Variants in SYTL2 observed in about 807,000 individuals in gnomAD.
The protein encoded by SYTL2 is synaptotagmin-like protein 2.
SYTL2 carries 165 observed loss-of-function variants against 198.7 expected under a neutral mutation model. That is an observed-to-expected ratio of 0.83 (90% confidence interval 0.73 to 0.94). The LOEUF (loss-of-function observed/expected upper bound fraction) is 0.94. SYTL2 is among the 40% of genes least tolerant of loss of function. The pLI, the probability that SYTL2 is intolerant of heterozygous loss-of-function variation, is 0.00. For synonymous variants in SYTL2, 966 were observed against 917.7 expected, an observed-to-expected ratio of 1.05 and a Z score of -0.95; for missense variants, 2,835 against 2,582.8, an observed-to-expected ratio of 1.10 and a Z score of -2.12.
intron 17 of SYTL2, among the ~76,000 whole-genome samples, chr11:85,700,108 A>C (rs1373816439): frequency 1.3e-5 from 2 of 152,212 alleles, no homozygotes; most frequent in African/African-American, 4.8e-5. Flanking sequence ...AAACTAAAAA[A>C]AAAAATGAGA....
the SYTL2 span, among the ~76,000 whole-genome samples, chr11:85,828,978 G>C: frequency 1.3e-5 from 2 of 151,984 alleles, no homozygotes; most frequent in Non-Finnish European, 1.5e-5. Flanking sequence ...ATCCACAGTG[G>C]TGCTTGGGAA....
chr11:85,839,523 A>C, the SYTL2 span, among the ~76,000 whole-genome samples: 6 of 152,236 alleles, frequency 3.9e-5, no homozygotes, highest in African/African-American at 1.2e-4. Context: ...CCCCACAAAT[A>C]AGTGAGAACA....
At chr11:85,837,291 C>A in the SYTL2 span, among the ~76,000 whole-genome samples, 1 of 152,110 alleles carries the variant, frequency 6.6e-6, no homozygotes, top group Non-Finnish European at 1.5e-5. Context: ...GAGTGTGGCC[C>A]AATTCAGTAG....
intron 16 of SYTL2, 79 bp from the exon 17 acceptor site, chr11:85,700,672 A>G (rs1404940175): frequency 2.9e-6 from 3 of 1,048,346 alleles, no homozygotes; most frequent in Non-Finnish European, 4.5e-6. Context: ...TTACAGAACC[A>G]TATCTGTCCC....
the SYTL2 span, among the ~76,000 whole-genome samples, chr11:85,820,447 A>G: frequency 6.6e-6 from 1 of 152,184 alleles, no homozygotes. Flanking sequence ...GACATTTAAT[A>G]CCCAGAAAAA....
intron 16 of SYTL2, among the ~76,000 whole-genome samples, chr11:85,702,103 G>T (rs2084386689): frequency 6.6e-6 from 1 of 152,098 alleles, no homozygotes; most frequent in Non-Finnish European, 1.5e-5. Context: ...ACCGTTTCTA[G>T]GTCAGCTGCA....
In SYTL2 at chr11:85,726,787, C is replaced by G. The variant is rs891144222; in HGVS notation, c.2571G>C (p.Val857=). 5 of 1,536,110 alleles carry G rather than the reference C, an allele frequency of 3.3e-6. No homozygotes were observed. The highest frequency in any genetic ancestry group is 1.7e-4 in the Middle Eastern group (1 of 5,994). ...ATGCTTGATCATCCTCATCTAAGAC[C>G]ACTCGTTTGGGAATGGCCTGATTAT... ...SEYNQAIPKR[V]VLDEDDQASQ... The change falls in exon 8 of 20, where the codon GTG becomes GTC. Residue 857 remains valine, a synonymous_variant. Coordinates refer to ENST00000359152, the MANE Select transcript of SYTL2 (RefSeq NM_206927.4).
rs1233015347 is a variant in SYTL2, at chr11:85,734,014, G to A, written c.1315C>T (p.Pro439Ser). Residue 439 changes from proline to serine, a missense_variant, in exon 7 of 20, where the codon CCA becomes TCA. Pro to Ser is a moderately conservative substitution (Grantham distance 74). This residue lies in a region of SYTL2 where 2,645 missense variants were observed against 2,381.7 expected (regional missense o/e 1.11). Transcript: ENST00000359152. ...TTATCTTTGGGTTCATTGATGGTTG[G>A]TGAATTCTCCATAGACTGTGGTCTT... ...TARPQSMENS[P>S]TINEPKDKSS... 2 of 1,613,970 alleles carry A rather than the reference G, an allele frequency of 1.2e-6. No homozygotes were observed. Among genetic ancestry groups the A allele is most frequent in the South Asian group, 1.1e-5 (1 of 91,082 alleles).
the SYTL2 span, chr11:85,852,591 A>C: frequency 1.3e-4 from 22 of 172,972 alleles, 1 homozygote; most frequent in Admixed American, 1.0e-3. Flanking sequence ...GGCTGGGCTG[A>C]TCTCCAGCTC....
chr11:85,742,582 C>T (rs933874968), intron 4 of SYTL2, among the ~76,000 whole-genome samples: 2 of 152,182 alleles, frequency 1.3e-5, no homozygotes, highest in African/African-American at 2.4e-5. Context: ...AGTACAGAAA[C>T]GGAGGCTATG....
intron 7 of SYTL2, 93 bp from the exon 8 acceptor site, chr11:85,728,060 A>G (rs765241428): frequency 8.7e-7 from 1 of 1,151,604 alleles, no homozygotes; most frequent in Admixed American, 2.9e-5. Context: ...AGCACTTTGT[A>G]TTTGCACTTT....
intron 7 of SYTL2, among the ~76,000 whole-genome samples, chr11:85,730,342 CAATAA>C (rs1450869938): frequency 2.0e-5 from 3 of 152,150 alleles, no homozygotes; most frequent in Admixed American, 6.5e-5. Context: ...CCAACATTCT[CAATAA>C]AATACTGGCA....
upstream of SYTL2, among the ~76,000 whole-genome samples, chr11:85,814,504 T>C (rs1019770479): frequency 6.6e-6 from 1 of 152,238 alleles, no homozygotes; most frequent in African/African-American, 2.4e-5. Context: ...TAGGTAGACT[T>C]ATTTAAGTTG....
intron 1 of SYTL2, among the ~76,000 whole-genome samples, chr11:85,801,007 G>A (rs1331831333): frequency 6.6e-6 from 1 of 152,142 alleles, no homozygotes; most frequent in Non-Finnish European, 1.5e-5. Flanking sequence ...ATAAACACAG[G>A]GCTAGAAACA....
Position 85,699,571 on chromosome 11 carries a change from T to G in SYTL2, c.6268+944A>C, listed in dbSNP as rs543676927. Among the ~76,000 whole-genome samples the G allele has an allele frequency of 2.6e-3, 390 of 150,972 alleles. 1 individual carries two copies. The highest frequency in any genetic ancestry group is 8.9e-3 in the African/African-American group (369 of 41,340). ...ACTTGCCCTCTAATTCTTTCTTTTT[T>G]GGGGGGCGGGGGGCGGTATAAACTA... On this transcript the variant is annotated intron_variant, in intron 17 of 19. Transcript: ENST00000359152.
the SYTL2 span, among the ~76,000 whole-genome samples, chr11:85,819,005 G>T: frequency 5.9e-5 from 9 of 151,994 alleles, no homozygotes; most frequent in Admixed American, 2.0e-4. Flanking sequence ...AAGAAGTCAG[G>T]CTGCATAGAT....
rs1555240290 is a variant in SYTL2, at chr11:85,733,600, T to TG, written c.1390+338_1390+339insC. ...CACCAAGTTTTTTTTTTTTGTTTTT[T>TG]TTTTTTTTTTGAGACGGAGTCTCGC... On this transcript the variant is annotated intron_variant, in intron 7 of 19. Transcript: ENST00000359152. 590 of 138,406 alleles carry TG rather than the reference T, an allele frequency of 4.3e-3. 7 individuals carry two copies. The highest frequency in any genetic ancestry group is 0.013 in the African/African-American group (493 of 37,292). 8.6% of individuals were successfully genotyped at this position (138,406 alleles called of 1,614,324 possible).
chr11:85,711,214 CT>C lies in SYTL2; in HGVS notation c.5643del (p.Asp1882IlefsTer20). ...FLQDESDDRE[T>X]DTASESSYQL... is the part of the protein sequence containing the mutation. ...TGGTAACTGCTTTCTGATGCTGTAT[CT>C]GTTTCTCTGTCATCACTCTACAAAA... On this transcript the variant is annotated frameshift_variant, in exon 13 of 20. Transcript: ENST00000359152. LOFTEE classifies it high-confidence loss of function. 6.2e-7 allele frequency: 1 copy of C among 1,614,038 alleles called. No homozygotes were observed. The highest frequency in any genetic ancestry group is 1.3e-5 in the African/African-American group (1 of 75,044).
Position 85,733,988 on chromosome 11 carries a change from T to C in SYTL2, c.1341A>G (p.Lys447=), listed in dbSNP as rs1325425395. 5 of 1,614,064 alleles carry C rather than the reference T, an allele frequency of 3.1e-6. No homozygotes were observed. Among genetic ancestry groups the C allele is most frequent in the Non-Finnish European group, 4.2e-6 (5 of 1,180,000 alleles). ...NSPTINEPKD[K]SSELTRLESV... ...ATTCAAGCCTTGTTAATTCTGATGA[T>C]TTATCTTTGGGTTCATTGATGGTTG... Residue 447 remains lysine (K), a synonymous_variant, in exon 7 of 20, where the codon AAA becomes AAG. Coordinates refer to ENST00000359152, the MANE Select transcript of SYTL2 (RefSeq NM_206927.4).
Sources: gnomAD v4.1 joint callset for allele counts (sites outside exome capture counted in the v4.1 genomes callset) on GRCh38, gnomAD v4.1.1 for gene constraint, gnomAD v4.1.1 regional missense constraint, MANE v1.5 for transcripts, NCBI Gene and HGNC (gene_info 2026-07-23, HGNC 2026-07-21) for gene names.